JMJD1C: variants seen among roughly 807,000 people sequenced by gnomAD.
JMJD1C encodes the protein jumonji domain-containing protein 1C.
JMJD1C carries 31 observed loss-of-function variants against 245.3 expected under a neutral mutation model. That is an observed-to-expected ratio of 0.13 (90% CI 0.09 to 0.17). The LOEUF is 0.17. JMJD1C is among the 10% of genes least tolerant of loss of function. The probability of loss-of-function intolerance (pLI) is 1.00; values close to 1 mark genes in which losing one functional copy is unlikely to be tolerated. For missense variants in JMJD1C, 2,691 were observed against 3,000.2 expected, an observed-to-expected ratio of 0.90 and a Z score of 2.41; for synonymous variants, 1,057 against 1,017.4, an observed-to-expected ratio of 1.04 and a Z score of -0.74.
intron 2 of JMJD1C, among the ~76,000 whole-genome samples, chr10:63,365,416 T>C (rs1377142033): frequency 6.6e-6 from 1 of 152,204 alleles, no homozygotes; most frequent in African/African-American, 2.4e-5. Flanking sequence ...TTTTAAGACT[T>C]TTCCTGAAAC....
chr10:63,257,684 G>A lies in JMJD1C; in HGVS notation c.447+6967C>T, dbSNP rs550751766. 2.5e-4 allele frequency among the ~76,000 whole-genome samples: 38 copies of A among 152,300 alleles called. 1 individual carries two copies. The East Asian group carries it at 6.9e-3, about 28-fold the overall frequency. On this transcript the variant is annotated intron_variant, in intron 3 of 25. Coordinates refer to ENST00000399262, the MANE Select transcript of JMJD1C (RefSeq NM_032776.3). ...ACTATCAGCAACAAGTAGAGTACAT[G>A]ACTTTCCCTGTGGAAAAAAGGTAAG...
chr10:63,177,620 A>T, intron 23 of JMJD1C, 97 bp downstream of exon 23: 1 of 1,275,094 alleles, frequency 7.8e-7, no homozygotes, highest in Non-Finnish European at 1.1e-6. Flanking sequence ...AAAATTATGT[A>T]ATGGTCTTAT....
intron 3 of JMJD1C, among the ~76,000 whole-genome samples, chr10:63,220,603 A>C (rs1288543981): frequency 6.6e-6 from 1 of 152,186 alleles, no homozygotes; most frequent in African/African-American, 2.4e-5. Flanking sequence ...TAGACATAGA[A>C]ACAACCAATT....
chr10:63,496,776 T>G (rs559231988), intron 1 of JMJD1C, among the ~76,000 whole-genome samples: 29 of 152,346 alleles, frequency 1.9e-4, no homozygotes, highest in African/African-American at 6.7e-4. Flanking sequence ...TTAGGTTTGG[T>G]CATATCACTT....
At chr10:63,426,369 T>A (rs1260210706) in intron 1 of JMJD1C, among the ~76,000 whole-genome samples, 1 of 151,708 alleles carries the variant, frequency 6.6e-6, no homozygotes, top group Non-Finnish European at 1.5e-5. Context: ...AAAAAAAAAA[T>A]TCTTAAACGT....
rs1944771149 is a variant in JMJD1C, at chr10:63,355,614, A to C, written c.333+24704T>G. The stretch of plus-strand genomic sequence containing the variant: ...ATGTGAAAGAGGGAACAACAGTAAA[A>C]AGCTGAGGAGTTGGAAAAGAGAACT... On this transcript the variant is annotated intron_variant, in intron 2 of 25. Coordinates refer to ENST00000399262, the MANE Select transcript of JMJD1C (RefSeq NM_032776.3). Among the ~76,000 whole-genome samples, 2 of 152,186 alleles carry C rather than the reference A, an allele frequency of 1.3e-5. 1 individual carries two copies. Among genetic ancestry groups the C allele is most frequent in the South Asian group, 4.1e-4 (2 of 4,832 alleles).
chr10:63,497,882 C>T (rs1040745394), intron 1 of JMJD1C, among the ~76,000 whole-genome samples: 2 of 152,202 alleles, frequency 1.3e-5, no homozygotes, highest in East Asian at 3.9e-4. Context: ...TGCTTGAAAA[C>T]GGATTCCAAA....
chr10:63,441,750 T>C (rs1353522396), intron 1 of JMJD1C, among the ~76,000 whole-genome samples: 2 of 152,182 alleles, frequency 1.3e-5, no homozygotes, highest in Non-Finnish European at 2.9e-5. Context: ...TTTGATCCCT[T>C]TGTACTGCCA....
At chr10:63,456,387 T>A (rs1475979107) in intron 1 of JMJD1C, among the ~76,000 whole-genome samples, 3 of 152,134 alleles carry the variant, frequency 2.0e-5, no homozygotes, top group Non-Finnish European at 4.4e-5. Flanking sequence ...TAGTCCTGTA[T>A]TGCATCAAGA....
intron 2 of JMJD1C, among the ~76,000 whole-genome samples, chr10:63,368,859 G>A (rs10761750): frequency 0.43 from 64,467 of 151,430 alleles, 14,329 homozygotes; most frequent in South Asian, 0.53. Context: ...TGTTGGCCAG[G>A]CTGGTCTCGA....
chr10:63,337,618 G>GAAAAT (rs1165859401), intron 2 of JMJD1C, among the ~76,000 whole-genome samples: 1 of 77,650 alleles, frequency 1.3e-5, no homozygotes, highest in African/African-American at 9.8e-5. Flanking sequence ...GAAAAGAAAA[G>GAAAAT]AAAAGAAAAA....
chr10:63,227,284 T>C (rs964156365), intron 3 of JMJD1C, among the ~76,000 whole-genome samples: 2 of 152,188 alleles, frequency 1.3e-5, no homozygotes, highest in African/African-American at 4.8e-5. Flanking sequence ...ACACAACTCA[T>C]TTCCTAAGAT....
intron 2 of JMJD1C, among the ~76,000 whole-genome samples, chr10:63,305,763 T>C (rs1051534217): frequency 1.4e-4 from 21 of 151,890 alleles, no homozygotes; most frequent in Non-Finnish European, 2.4e-4. Context: ...TTAAAAATCA[T>C]TTTTCTGATA....
intron 2 of JMJD1C, among the ~76,000 whole-genome samples, chr10:63,376,434 A>C (rs1716284908): frequency 6.6e-6 from 1 of 152,206 alleles, no homozygotes; most frequent in Non-Finnish European, 1.5e-5. Context: ...GGCTTCATCA[A>C]AATTTAAAAC....
chr10:63,236,379 AC>A (rs1463630384), intron 3 of JMJD1C, among the ~76,000 whole-genome samples: 1 of 152,198 alleles, frequency 6.6e-6, no homozygotes, highest in Non-Finnish European at 1.5e-5. Context: ...AATTAAGAAA[AC>A]ATTATAAAAC....
In JMJD1C at chr10:63,428,446, T is replaced by G. The variant is rs1055939075; in HGVS notation, c.168+37049A>C. On this transcript the variant is annotated intron_variant, in intron 1 of 25. Coordinates refer to ENST00000399262, the MANE Select transcript of JMJD1C (RefSeq NM_032776.3). ...TTCACTACTTGAAATGTCAGAACAG[T>G]GTTCAACAGGTCAAAGAAATCAACT... is the stretch of plus-strand genomic sequence containing the variant. Among the ~76,000 whole-genome samples the G allele has an allele frequency of 3.9e-5, 6 of 152,240 alleles. No individual in the cohort carries two copies. The East Asian group carries it at 5.8e-4, about 15-fold the overall frequency.
rs1044448083 is a variant in JMJD1C at position 63,214,250 on chromosome 10, G to T, written c.1917C>A (p.Ser639Arg). 6.2e-7 allele frequency: 1 copy of T among 1,613,844 alleles called. No homozygotes were observed. Among genetic ancestry groups the T allele is most frequent in the African/African-American group, 1.3e-5 (1 of 74,914 alleles). ...TSVDTHKIKS[S>R]PSPEVVKPKI... Reference sequence around the variant, plus strand: ...TGGGTTTAACAACTTCAGGTGATGGGCTGGATTTTATCTTGTGAGTATCTA... The same window carrying T: ...TGGGTTTAACAACTTCAGGTGATGGTCTGGATTTTATCTTGTGAGTATCTA... Residue 639 changes from serine (S) to arginine (R), a missense_variant, in exon 8 of 26, where the codon AGC becomes AGA. This residue lies in a region of JMJD1C where 1,562 missense variants were observed against 1,490.7 expected (regional missense o/e 1.05). Transcript: ENST00000399262.
intron 1 of JMJD1C, among the ~76,000 whole-genome samples, chr10:63,450,207 A>G (rs1053486792): frequency 2.0e-5 from 3 of 152,140 alleles, no homozygotes; most frequent in African/African-American, 7.2e-5. Context: ...GGCATCACAA[A>G]ATAATTTTTT....
At chr10:63,259,393 C>G (rs542938511) in intron 3 of JMJD1C, among the ~76,000 whole-genome samples, 41 of 151,538 alleles carry the variant, frequency 2.7e-4, no homozygotes, top group African/African-American at 9.9e-4. Context: ...TGCCATAGGA[C>G]AGTAACACAA....
Sources: gnomAD v4.1 joint callset for allele counts (sites outside exome capture counted in the v4.1 genomes callset) on GRCh38, gnomAD v4.1.1 for gene constraint, gnomAD v4.1.1 regional missense constraint, MANE v1.5 for transcripts, NCBI Gene and HGNC (gene_info 2026-07-23, HGNC 2026-07-21) for gene names.